Variants in CYTH1 observed in about 807,000 individuals in gnomAD.
CYTH1 encodes the protein cytohesin-1.
CYTH1 carries 18 observed loss-of-function variants against 61.8 expected under a neutral mutation model. The observed-to-expected ratio is 0.29, with a 90% CI of 0.20 to 0.43. The LOEUF is 0.43. Ranked by LOEUF, CYTH1 falls within the 20% of genes least tolerant of loss-of-function variation. The pLI is 1.00. For synonymous variants in CYTH1, 174 were observed against 184.3 expected, an observed-to-expected ratio of 0.94 and a Z score of 0.45; for missense variants, 336 against 510.5, an observed-to-expected ratio of 0.66 and a Z score of 3.29.
rs964592438 is a variant in CYTH1, at chr17:78,731,767, A to C, written c.23-22035T>G. On this transcript the variant is annotated intron_variant, in intron 1 of 13. Coordinates refer to ENST00000446868, the MANE Select transcript of CYTH1 (RefSeq NM_004762.6). ...CGAGACTCCGTCTCAAAAAAAAAAA[A>C]AAAACAAAAAAAAACAAATAAAAAG... 9.9e-5 allele frequency among the ~76,000 whole-genome samples: 15 copies of C among 151,858 alleles called. No homozygotes were observed. The East Asian group carries it at 1.5e-3, about 16-fold the overall frequency.
chr17:78,720,584 G>A (rs1284695509), intron 1 of CYTH1, among the ~76,000 whole-genome samples: 2 of 152,228 alleles, frequency 1.3e-5, no homozygotes, highest in African/African-American at 4.8e-5. Flanking sequence ...CTCCCAAAGT[G>A]CTGGAATTAC....
At chr17:78,781,782 GC>G (rs1164163664) in intron 1 of CYTH1, among the ~76,000 whole-genome samples, 18 of 151,660 alleles carry the variant, frequency 1.2e-4, no homozygotes, top group South Asian at 4.2e-4. Context: ...CCACCCCTCG[GC>G]CCCCCGGGAC....
At chr17:78,745,354 A>G (rs2093355758) in intron 1 of CYTH1, among the ~76,000 whole-genome samples, 1 of 152,224 alleles carries the variant, frequency 6.6e-6, no homozygotes, top group Admixed American at 6.5e-5. Context: ...ATGATAAGGT[A>G]AACAGAAATA....
intron 1 of CYTH1, among the ~76,000 whole-genome samples, chr17:78,763,600 A>G (rs2093437130): frequency 6.6e-6 from 1 of 151,776 alleles, no homozygotes; most frequent in Non-Finnish European, 1.5e-5. Flanking sequence ...AAAGAACATT[A>G]TAATAAATAA....
chr17:78,678,911 C>A (rs1030442253), intron 13 of CYTH1, among the ~76,000 whole-genome samples: 1 of 152,258 alleles, frequency 6.6e-6, no homozygotes, highest in African/African-American at 2.4e-5. Context: ...CTCAGCGCAG[C>A]GTGACCTGGC....
intron 1 of CYTH1, among the ~76,000 whole-genome samples, chr17:78,709,953 G>GAA (rs1177986288): frequency 6.6e-6 from 1 of 152,220 alleles, no homozygotes; most frequent in Non-Finnish European, 1.5e-5. Flanking sequence ...CTCTTGGAAG[G>GAA]AAAAACGAGA....
intron 10 of CYTH1, among the ~76,000 whole-genome samples, chr17:78,695,064 A>C (rs1482325417): frequency 6.6e-6 from 1 of 152,064 alleles, no homozygotes; most frequent in Non-Finnish European, 1.5e-5. Context: ...ACAACCTGAC[A>C]AGTCCCTGAA....
At chr17:78,731,109 A>G (rs1353006772) in intron 1 of CYTH1, among the ~76,000 whole-genome samples, 1 of 151,834 alleles carries the variant, frequency 6.6e-6, no homozygotes, top group Non-Finnish European at 1.5e-5. Flanking sequence ...CGCATCACAT[A>G]GTCAGGAGAA....
intron 1 of CYTH1, among the ~76,000 whole-genome samples, chr17:78,758,127 T>C (rs1007672169): frequency 6.6e-6 from 1 of 152,164 alleles, no homozygotes; most frequent in Non-Finnish European, 1.5e-5. Context: ...ACTGGAAATG[T>C]GAGCAAAACT....
intron 1 of CYTH1, among the ~76,000 whole-genome samples, chr17:78,738,325 G>A (rs2093329203): frequency 6.6e-6 from 1 of 152,200 alleles, no homozygotes; most frequent in Non-Finnish European, 1.5e-5. Flanking sequence ...TGCATGGCTT[G>A]CCAAAGCACG....
intron 10 of CYTH1, among the ~76,000 whole-genome samples, 170 bp from the exon 11 acceptor site, chr17:78,692,663 C>T (rs1183610594): frequency 1.3e-5 from 2 of 151,856 alleles, no homozygotes; most frequent in Non-Finnish European, 2.9e-5. Context: ...GAAACAGAAG[C>T]GTCTTTCACA....
intron 1 of CYTH1, among the ~76,000 whole-genome samples, chr17:78,741,048 A>G (rs928099192): frequency 2.0e-5 from 3 of 152,236 alleles, no homozygotes; most frequent in Non-Finnish European, 4.4e-5. Context: ...GAAAAGCAAT[A>G]AATCAACAAA....
At chr17:78,779,566 A>G (rs1336490068) in intron 1 of CYTH1, among the ~76,000 whole-genome samples, 4 of 152,214 alleles carry the variant, frequency 2.6e-5, no homozygotes, top group Non-Finnish European at 5.9e-5. Flanking sequence ...AAGGTAACAG[A>G]TGGAATTAAG....
intron 1 of CYTH1, among the ~76,000 whole-genome samples, chr17:78,775,410 T>C (rs1363117862): frequency 2.0e-5 from 3 of 152,208 alleles, no homozygotes; most frequent in Non-Finnish European, 4.4e-5. Flanking sequence ...TTTTATGCAA[T>C]TGGACCTCAA....
intron 11 of CYTH1, among the ~76,000 whole-genome samples, chr17:78,686,969 C>T (rs969621920): frequency 6.6e-6 from 1 of 151,834 alleles, no homozygotes; most frequent in Non-Finnish European, 1.5e-5. Flanking sequence ...TTAGTAGAGA[C>T]GGGGTTTCTC....
rs370393556 is a variant in CYTH1, at chr17:78,760,355, T to TTATATATATATATATATA, written c.22+21829_22+21846dup. On this transcript the variant is annotated intron_variant, in intron 1 of 13. Transcript: ENST00000446868. The stretch of plus-strand genomic sequence containing the variant: ...TCTGGCCTCTATCCAAATAGCAGGT[T>TTATATATATATATATATA]TATATATATATATATATATATATAT... 1.1e-3 allele frequency among the ~76,000 whole-genome samples: 55 copies of TTATATATATATATATATA among 52,238 alleles called. 1 individual carries two copies. The highest frequency in any genetic ancestry group is 2.4e-3 in the African/African-American group (33 of 13,898). The allele number at this position is 52,238 out of a possible 152,430, so 34.3% of individuals were successfully genotyped here.
intron 5 of CYTH1, 45 bp from the exon 6 acceptor site, chr17:78,701,796 C>A (rs753000249): frequency 3.1e-6 from 5 of 1,587,850 alleles, no homozygotes; most frequent in South Asian, 1.1e-5. Flanking sequence ...AGGAGTCAGG[C>A]ACCAACACTG....
rs139460485 is a variant in CYTH1, at chr17:78,749,537, G to A, written c.22+32665C>T. 8.7e-3 allele frequency among the ~76,000 whole-genome samples: 1,323 copies of A among 152,050 alleles called. 23 individuals carry two copies. The highest frequency in any genetic ancestry group is 0.03 in the African/African-American group (1,229 of 41,448). On this transcript the variant is annotated intron_variant, in intron 1 of 13. Transcript: ENST00000446868. Reference sequence around the variant, plus strand: ...TCCCAGCTACTCAGGAGATTGAGGTGGGAGGATTGCTTGAGCCCACAGGTC... The same window carrying A: ...TCCCAGCTACTCAGGAGATTGAGGTAGGAGGATTGCTTGAGCCCACAGGTC...
At chr17:78,753,927 T>TC in intron 1 of CYTH1, among the ~76,000 whole-genome samples, 1 of 151,994 alleles carries the variant, frequency 6.6e-6, no homozygotes, top group Admixed American at 6.6e-5. Flanking sequence ...ATATAAGAAG[T>TC]CCCCCACCTC....
Sources: allele counts gnomAD v4.1 joint callset (sites outside exome capture counted in the v4.1 genomes callset), GRCh38; gene constraint gnomAD v4.1.1; transcripts MANE v1.5; gene names NCBI Gene and HGNC (gene_info 2026-07-23, HGNC 2026-07-21).